MRNIP: variants seen among roughly 807,000 people sequenced by gnomAD.
MRNIP encodes the protein MRN complex-interacting protein.
Under a neutral mutation model 29.8 loss-of-function variants are expected in MRNIP, and 30 were observed. The observed-to-expected ratio is 1.01, with a 90% confidence interval of 0.75 to 1.36. The LOEUF is 1.36. Ranked by LOEUF, MRNIP falls within the 40% of genes most tolerant of loss-of-function variation. The probability of loss-of-function intolerance (pLI) is 0.00; values close to 1 mark genes in which losing one functional copy is unlikely to be tolerated. For synonymous variants in MRNIP, 201 were observed against 164.1 expected, an observed-to-expected ratio of 1.23 and a Z score of -1.72; for missense variants, 459 against 423.5, an observed-to-expected ratio of 1.08 and a Z score of -0.74.
chr5:179,857,102 A>G (rs1759617457), intron 1 of MRNIP, among the ~76,000 whole-genome samples: 1 of 151,984 alleles, frequency 6.6e-6, no homozygotes, highest in Non-Finnish European at 1.5e-5. Flanking sequence ...AAATAAGTAA[A>G]TAAATAAATA....
intron 2 of MRNIP, among the ~76,000 whole-genome samples, chr5:179,849,886 G>A (rs961613795): frequency 4.8e-5 from 3 of 62,618 alleles, no homozygotes; most frequent in Non-Finnish European, 1.2e-4. Flanking sequence ...CTATGGCACA[G>A]GCAGATGGTA....
intron 3 of MRNIP, chr5:179,847,147 C>CT (rs1403869121): frequency 4.2e-5 from 6 of 141,702 alleles, no homozygotes; most frequent in Non-Finnish European, 9.2e-5. Context: ...TTTTTGACCT[C>CT]TGAGAGTTAC....
intron 6 of MRNIP, chr5:179,840,335 G>T (rs1480242435): frequency 1.3e-5 from 2 of 154,630 alleles, no homozygotes; most frequent in Admixed American, 1.3e-4. Flanking sequence ...CTTGAGCCTG[G>T]GAGGTTGAGG....
At chr5:179,851,861 C>T (rs1246240946) in intron 2 of MRNIP, among the ~76,000 whole-genome samples, 2 of 151,732 alleles carry the variant, frequency 1.3e-5, no homozygotes, top group Non-Finnish European at 2.9e-5. Flanking sequence ...GCCTGTGGTC[C>T]CAGCTACTCA....
intron 3 of MRNIP, chr5:179,846,224 T>C (rs901028893): frequency 1.3e-5 from 2 of 152,220 alleles, no homozygotes; most frequent in African/African-American, 4.8e-5. Context: ...CCTTGAATGT[T>C]AAATGATTTT....
At chr5:179,858,596 C>T in intron 1 of MRNIP, 135 bp downstream of exon 1, 6 of 593,494 alleles carry the variant, frequency 1.0e-5, no homozygotes, top group Non-Finnish European at 1.7e-5. Flanking sequence ...CCAATGAGAC[C>T]CGCCCTCAGC....
At chr5:179,851,263 T>C in intron 2 of MRNIP, 1 of 456,066 alleles carries the variant, frequency 2.2e-6, no homozygotes, top group Non-Finnish European at 4.4e-6. Flanking sequence ...AGCCCCTCTC[T>C]TCTGAGACCC....
intron 1 of MRNIP, among the ~76,000 whole-genome samples, chr5:179,856,567 T>C (rs1249800147): frequency 6.6e-6 from 1 of 152,204 alleles, no homozygotes; most frequent in Non-Finnish European, 1.5e-5. Flanking sequence ...CCTCCTGGAC[T>C]GAAGCGATTC....
chr5:179,844,437 C>T, intron 3 of MRNIP: 1 of 481,214 alleles, frequency 2.1e-6, no homozygotes, highest in Admixed American at 3.8e-5. Flanking sequence ...ACCCGGAAGG[C>T]AGAGGCTGCA....
At chr5:179,856,994 G>A (rs1370264167) in intron 1 of MRNIP, among the ~76,000 whole-genome samples, 1 of 152,168 alleles carries the variant, frequency 6.6e-6, no homozygotes, top group Non-Finnish European at 1.5e-5. Context: ...GGAGGCTGAG[G>A]TGGATCAGCT....
intron 1 of MRNIP, among the ~76,000 whole-genome samples, chr5:179,855,215 G>C (rs910438557): frequency 1.1e-4 from 16 of 151,864 alleles, no homozygotes; most frequent in African/African-American, 3.9e-4. Flanking sequence ...TGAGATCTCG[G>C]CTTAGTGCAA....
intron 1 of MRNIP, among the ~76,000 whole-genome samples, chr5:179,857,255 G>A (rs564697611): frequency 7.9e-5 from 12 of 152,174 alleles, no homozygotes; most frequent in South Asian, 4.2e-4. Flanking sequence ...GAGGTCAAGA[G>A]ATGGAGACCT....
intron 2 of MRNIP, among the ~76,000 whole-genome samples, chr5:179,852,398 T>G (rs929581421): frequency 1.3e-5 from 2 of 152,010 alleles, no homozygotes; most frequent in Admixed American, 1.3e-4. Flanking sequence ...AGCTTCACGG[T>G]AGAGTTGTGC....
chr5:179,852,937 A>G (rs1759430091), intron 2 of MRNIP, among the ~76,000 whole-genome samples: 1 of 152,142 alleles, frequency 6.6e-6, no homozygotes, highest in Non-Finnish European at 1.5e-5. Context: ...CTCCACCTCC[A>G]CCAACGGCCT....
chr5:179,843,584 A>C (rs1759004789), intron 4 of MRNIP, among the ~76,000 whole-genome samples: 1 of 152,038 alleles, frequency 6.6e-6, no homozygotes, highest in Non-Finnish European at 1.5e-5. Flanking sequence ...ACAAAAAAGA[A>C]AAAAAATTAG....
At chr5:179,842,527 C>A (rs186124909) in intron 4 of MRNIP, among the ~76,000 whole-genome samples, 10,181 of 134,212 alleles carry the variant, frequency 0.076, 909 homozygotes, top group African/African-American at 0.23. Flanking sequence ...AAAAAAAAAA[C>A]AACAACAAAA....
In MRNIP at chr5:179,837,772, A is replaced by C; in HGVS notation, c.651T>G (p.Ser217Arg). The change falls in exon 7 of 7, where the codon AGT (serine) becomes AGG (arginine). Residue 217 changes from serine (S) to arginine (R), a missense_variant. Coordinates refer to ENST00000292586, the MANE Select transcript of MRNIP (RefSeq NM_016175.4). The stretch of plus-strand genomic sequence containing the variant: ...ATGTGGCTGTAACCTGCTGGATGGG[A>C]CTCCATAGCTCCTTCCCAGGACCCC... ...ELRGPGKELWSPIQQVTATSS... is the reference protein window; with the variant it reads ...ELRGPGKELWRPIQQVTATSS... 4.3e-6 allele frequency: 7 copies of C among 1,613,860 alleles called. No individual in the cohort carries two copies. Among genetic ancestry groups the C allele is most frequent in the Non-Finnish European group, 5.9e-6 (7 of 1,179,950 alleles).
intron 1 of MRNIP, among the ~76,000 whole-genome samples, chr5:179,853,719 C>A (rs569845959): frequency 2.0e-5 from 3 of 151,132 alleles, no homozygotes; most frequent in Admixed American, 2.0e-4. Flanking sequence ...TTGCAGTGAG[C>A]CAAGATTGCA....
At chr5:179,843,063 G>GGAAGGAAGGGAGGA (rs1554093130) in intron 4 of MRNIP, among the ~76,000 whole-genome samples, 1 of 103,358 alleles carries the variant, frequency 9.7e-6, no homozygotes, top group Admixed American at 9.8e-5. Flanking sequence ...GGAAGGAAGG[G>GGAAGGAAGGGAGGA]AGGGAGGGAG....
Sources: gnomAD v4.1 joint callset for allele counts (sites outside exome capture counted in the v4.1 genomes callset) on GRCh38, gnomAD v4.1.1 for gene constraint, MANE v1.5 for transcripts, NCBI Gene and HGNC (gene_info 2026-07-23, HGNC 2026-07-21) for gene names.